NAV1: variants seen among roughly 807,000 people sequenced by gnomAD.
NAV1 encodes pore membrane and/or filament interacting like protein 3.
NAV1 carries 18 observed loss-of-function variants against 175.2 expected under a neutral mutation model. The ratio of observed to expected loss-of-function variants is 0.10; its 90% CI spans 0.07 to 0.15. NAV1 has a LOEUF of 0.15. NAV1 is among the 10% of genes least tolerant of loss of function. The pLI, the probability that NAV1 is intolerant of heterozygous loss-of-function variation, is 1.00. For synonymous variants in NAV1, 897 were observed against 978.7 expected, an observed-to-expected ratio of 0.92 and a Z score of 1.56; for missense variants, 1,731 against 2,436.6, an observed-to-expected ratio of 0.71 and a Z score of 6.10.
chr1:201,670,370 GACTCCATCT>G (rs1296876494), intron 1 of NAV1, among the ~76,000 whole-genome samples: 2 of 103,326 alleles, frequency 1.9e-5, no homozygotes, highest in African/African-American at 7.9e-5. Context: ...GACAGAGCGA[GACTCCATCT>G]CAAAAAAAAA....
chr1:201,716,838 A>C (rs1672161658), intron 2 of NAV1, among the ~76,000 whole-genome samples: 1 of 152,226 alleles, frequency 6.6e-6, no homozygotes, highest in Non-Finnish European at 1.5e-5. Flanking sequence ...TGTTTGCACC[A>C]CTACACTCCA....
At chr1:201,594,962 G>C (rs540524865) in intron 2 of NAV1, among the ~76,000 whole-genome samples, 20 of 152,270 alleles carry the variant, frequency 1.3e-4, no homozygotes, top group African/African-American at 4.8e-4. Flanking sequence ...TTAGGCAAGG[G>C]CAAGGTGCTT....
intron 2 of NAV1, among the ~76,000 whole-genome samples, chr1:201,590,723 G>C (rs1352100671): frequency 6.6e-6 from 1 of 152,220 alleles, no homozygotes; most frequent in Non-Finnish European, 1.5e-5. Context: ...CAGTGGGCTG[G>C]CTTAGCCGAG....
At chr1:201,797,446 G>A (rs1677526526) in intron 15 of NAV1, 2 of 152,120 alleles carry the variant, frequency 1.3e-5, no homozygotes, top group African/African-American at 4.8e-5. Flanking sequence ...TTGGAAATTG[G>A]GAAGTGTGAG....
At chr1:201,676,628 G>A (rs890420934) in intron 1 of NAV1, among the ~76,000 whole-genome samples, 5 of 151,264 alleles carry the variant, frequency 3.3e-5, no homozygotes, top group South Asian at 2.1e-4. Context: ...CATTCTCCCC[G>A]CAACACCCAA....
intron 2 of NAV1, among the ~76,000 whole-genome samples, chr1:201,630,126 T>C (rs1668444056): frequency 6.6e-6 from 1 of 152,072 alleles, no homozygotes; most frequent in South Asian, 2.1e-4. Flanking sequence ...CATGGATGAG[T>C]GAGTGTCTTG....
rs1297465964 is a variant in NAV1, at chr1:201,812,422, C to T, written c.5025-43C>T. The T allele has an allele frequency of 1.9e-6, 3 of 1,575,660 alleles. No homozygotes were observed. The highest frequency in any genetic ancestry group is 3.3e-5 in the Admixed American group (2 of 59,860). Reference sequence around the variant, plus strand: ...GCAGGGGCTGAACCCTGACAATGTCCCCATTGCCACTCTGACCCCACTTTC... The same window carrying T: ...GCAGGGGCTGAACCCTGACAATGTCTCCATTGCCACTCTGACCCCACTTTC... On this transcript the variant is annotated intron_variant, in intron 26 of 29. Coordinates refer to ENST00000367296, the Ensembl canonical transcript of NAV1. This position sits in a 1 kb window ranked among gnomAD's most constrained non-coding sequence, Gnocchi z 4.6.
intron 1 of NAV1, among the ~76,000 whole-genome samples, chr1:201,580,255 C>G (rs1666811549): frequency 6.6e-6 from 1 of 152,202 alleles, no homozygotes; most frequent in Non-Finnish European, 1.5e-5. Flanking sequence ...TCTGGAAACA[C>G]CATCACAGAC....
intron 3 of NAV1, among the ~76,000 whole-genome samples, chr1:201,729,170 G>C (rs1308689648): frequency 6.6e-6 from 1 of 152,190 alleles, no homozygotes; most frequent in Non-Finnish European, 1.5e-5. Context: ...CTGAGCTTGT[G>C]TGGTGCCTGG....
At chr1:201,778,880 T>C (rs1355970437) in intron 3 of NAV1, among the ~76,000 whole-genome samples, 2 of 152,212 alleles carry the variant, frequency 1.3e-5, no homozygotes, top group Admixed American at 1.3e-4. Flanking sequence ...TTTTTTCAGA[T>C]AGCAGCTAAT....
intron 1 of NAV1, among the ~76,000 whole-genome samples, chr1:201,687,519 T>C (rs1428719417): frequency 6.6e-6 from 1 of 152,246 alleles, no homozygotes; most frequent in Non-Finnish European, 1.5e-5. Flanking sequence ...CTAGGCACTG[T>C]GCTAGCACTT....
chr1:201,646,624 G>A (rs535465638), upstream of NAV1, among the ~76,000 whole-genome samples: 2 of 151,912 alleles, frequency 1.3e-5, no homozygotes, highest in Admixed American at 6.6e-5. Context: ...CTATATTCTC[G>A]TGCCACTTAT....
exon 5 of NAV1, chr1:201,781,050 T>C (rs1332008528): frequency 3.7e-6 from 6 of 1,613,670 alleles, no homozygotes; most frequent in Admixed American, 1.7e-5. Flanking sequence ...TGGCAGAAAG[T>C]GGGCTGAGCT....
In NAV1 at chr1:201,813,030, T is replaced by C; in HGVS notation, c.5222-110T>C. 1 of 779,932 alleles carries C rather than the reference T, an allele frequency of 1.3e-6. No individual in the cohort carries two copies. The highest frequency in any genetic ancestry group is 3.8e-4 in the Middle Eastern group (1 of 2,626). The allele number at this position is 779,932 out of a possible 1,614,324, so 48.3% of individuals were successfully genotyped here. On this transcript the variant is annotated intron_variant, in intron 27 of 29. Coordinates refer to ENST00000367296, the Ensembl canonical transcript of NAV1. The surrounding 1 kb of genome is among the most constrained non-coding windows in gnomAD (Gnocchi z 4.2). ...AGTCTTGACAACTCTAAATTTCCTT[T>C]AATCCTTTGACTGTCAGACCCCTCT...
At chr1:201,674,197 A>C (rs2102384698) in intron 1 of NAV1, 1 of 152,290 alleles carries the variant, frequency 6.6e-6, no homozygotes, top group East Asian at 1.9e-4. Flanking sequence ...CGCAGAGCCA[A>C]GTTAAGTCGC....
intron 2 of NAV1, among the ~76,000 whole-genome samples, chr1:201,713,765 C>T (rs1041717572): frequency 1.3e-5 from 2 of 152,142 alleles, no homozygotes; most frequent in African/African-American, 4.8e-5. Flanking sequence ...CCCAGTTAGA[C>T]TGGAAGTAGA....
chr1:201,547,646 T>C (rs775762016), intron 1 of NAV1, among the ~76,000 whole-genome samples: 4 of 152,214 alleles, frequency 2.6e-5, no homozygotes, highest in Admixed American at 6.5e-5. Context: ...TTCAGAGAGT[T>C]ATCTAAGTTG....
rs555977665 is a variant in NAV1 at position 201,570,911 on chromosome 1, A to T, written c.-143-17628A>T. ...TGCAGCTGCCTCTGCTCTGCCGCTG[A>T]CCCTGGTCGCTCATTGCTAAGGCAA... is the stretch of plus-strand genomic sequence containing the variant. On this transcript the variant is annotated intron_variant, in intron 1 of 33. Transcript: ENST00000685211. Among the ~76,000 whole-genome samples the T allele has an allele frequency of 1.3e-4, 20 of 152,300 alleles. 1 individual carries two copies. The Middle Eastern group carries it at 0.01, about 78-fold the overall frequency.
At chr1:201,556,770 G>A (rs1028068014) in intron 1 of NAV1, among the ~76,000 whole-genome samples, 2 of 152,184 alleles carry the variant, frequency 1.3e-5, no homozygotes, top group African/African-American at 2.4e-5. Flanking sequence ...GCCCTCTCTG[G>A]AGAAATGCCC....
Sources: gnomAD v4.1 joint callset for allele counts (sites outside exome capture counted in the v4.1 genomes callset) on GRCh38, gnomAD v4.1.1 for gene constraint, Gnocchi (gnomAD v3.1) non-coding constraint, MANE v1.5 for transcripts, NCBI Gene and HGNC (gene_info 2026-07-23, HGNC 2026-07-21) for gene names.